DNAJB6: variants seen among roughly 807,000 people sequenced by gnomAD.
DNAJB6 encodes the protein dnaJ homolog subfamily B member 6.
DNAJB6 carries 16 observed loss-of-function variants against 42.7 expected under a neutral mutation model. The observed-to-expected ratio is 0.37, with a 90% CI of 0.25 to 0.57. The LOEUF is 0.57. DNAJB6 is among the 20% of genes least tolerant of loss of function. DNAJB6 has a pLI of 0.74. For synonymous variants in DNAJB6, 170 were observed against 163.5 expected (o/e 1.04, Z -0.30); for missense variants, 347 against 416.8 (o/e 0.83, Z 1.46).
intron 5 of DNAJB6, among the ~76,000 whole-genome samples, chr7:157,369,822 A>G (rs1236596842): frequency 6.6e-6 from 1 of 151,148 alleles, no homozygotes; most frequent in Non-Finnish European, 1.5e-5. Flanking sequence ...CATCATTATT[A>G]AACAGGCCTT....
intron 9 of DNAJB6, chr7:157,411,760 A>AG (rs397698203): frequency 1.1e-4 from 2 of 18,210 alleles, no homozygotes; most frequent in Admixed American, 1.8e-3. Flanking sequence ...CCGAGGCCAC[A>AG]CCTGTATGTC....
Position 157,369,689 on chromosome 7 carries a change from G to A in DNAJB6, c.346+2206G>A, listed in dbSNP as rs559364635. ...CCCTTCTTAACATTATTATTAAACA[G>A]GCCTTTCATAACGTTATTATTAAAC... On this transcript the variant is annotated intron_variant, in intron 5 of 9. Transcript: ENST00000262177. Among the ~76,000 whole-genome samples the A allele has an allele frequency of 2.0e-5, 3 of 150,840 alleles. No individual in the cohort carries two copies. In the South Asian group the frequency reaches 6.3e-4, roughly 31 times the overall value.
chr7:157,379,542 A>G (rs960562278), intron 5 of DNAJB6: 1 of 152,046 alleles, frequency 6.6e-6, no homozygotes, highest in Non-Finnish European at 1.5e-5. Context: ...GTGGCTGTCG[A>G]CAGGTGTGAT....
intron 2 of DNAJB6, among the ~76,000 whole-genome samples, chr7:157,359,347 T>G (rs1167309577): frequency 6.6e-6 from 1 of 152,210 alleles, no homozygotes; most frequent in Non-Finnish European, 1.5e-5. Context: ...AGAATTAACT[T>G]TTTTGGGGGC....
rs148670053 is a variant in DNAJB6, at chr7:157,391,668, G to A, written c.691+6057G>A. Among the ~76,000 whole-genome samples the A allele has an allele frequency of 6.6e-3, 1,006 of 152,340 alleles. 12 individuals are homozygous for A. The highest frequency in any genetic ancestry group is 0.022 in the African/African-American group (931 of 41,576). On this transcript the variant is annotated intron_variant, in intron 8 of 9. Transcript: ENST00000262177. ...CACTGGGTCTCAGCCCAAGTCTTCC[G>A]TGGATCCTGGCAAAATATTGATGTC...
chr7:157,366,496 T>A lies in DNAJB6; in HGVS notation c.176-6T>A. The stretch of plus-strand genomic sequence containing the variant: ...TGGCCTTACCGACTTTTCTTTCAAT[T>A]TTTAGCTAAGAAACGGGACATCTAT... On this transcript the variant is annotated splice_region_variant and splice_polypyrimidine_tract_variant and intron_variant, in intron 3 of 9. Coordinates refer to ENST00000262177, the MANE Select transcript of DNAJB6 (RefSeq NM_058246.4). The A allele has an allele frequency of 6.2e-7, 1 of 1,613,920 alleles. No homozygotes were observed. Among genetic ancestry groups the A allele is most frequent in the Non-Finnish European group, 8.5e-7 (1 of 1,179,926 alleles).
intron 8 of DNAJB6, among the ~76,000 whole-genome samples, chr7:157,394,292 T>G (rs1414144430): frequency 6.6e-6 from 1 of 152,244 alleles, no homozygotes; most frequent in African/African-American, 2.4e-5. Flanking sequence ...AGATGTTGCC[T>G]TGTCAATTCT....
At chr7:157,351,829 A>C (rs888167785) in intron 1 of DNAJB6, among the ~76,000 whole-genome samples, 2 of 151,096 alleles carry the variant, frequency 1.3e-5, no homozygotes, top group African/African-American at 2.4e-5. Context: ...AACAAAACAA[A>C]AAAAACCACA....
At chr7:157,341,114 C>T (rs774397908) in intron 1 of DNAJB6, among the ~76,000 whole-genome samples, 4 of 151,848 alleles carry the variant, frequency 2.6e-5, no homozygotes, top group Non-Finnish European at 4.4e-5. Flanking sequence ...GAGCCAGGTG[C>T]CTGGCCAGAT....
chr7:157,381,221 A>G (rs1800747749), intron 5 of DNAJB6: 1 of 152,018 alleles, frequency 6.6e-6, no homozygotes, highest in African/African-American at 2.4e-5. Flanking sequence ...TGTGACTCAA[A>G]TGTATCCACT....
intron 5 of DNAJB6, among the ~76,000 whole-genome samples, chr7:157,370,033 A>ATTATTATTAAACAGGTCTTTCATAACG (rs1340778601): frequency 2.0e-5 from 3 of 147,686 alleles, no homozygotes; most frequent in African/African-American, 7.6e-5. Flanking sequence ...CTTTCTTAAC[A>ATTATTATTAAACAGGTCTTTCATAACG]TTATTATTAA....
At chr7:157,368,874 A>T (rs1799971224) in intron 5 of DNAJB6, 1 of 187,244 alleles carries the variant, frequency 5.3e-6, no homozygotes, top group Non-Finnish European at 1.1e-5. Flanking sequence ...GTCTACAGAT[A>T]ATACAGGGGA....
chr7:157,394,492 G>A (rs1171936601), intron 8 of DNAJB6, among the ~76,000 whole-genome samples: 1 of 151,732 alleles, frequency 6.6e-6, no homozygotes. Flanking sequence ...TGACACCACT[G>A]CACTCCAGTC....
chr7:157,400,574 G>C (rs184085297), intron 8 of DNAJB6, among the ~76,000 whole-genome samples: 1 of 152,258 alleles, frequency 6.6e-6, no homozygotes, highest in Non-Finnish European at 1.5e-5. Flanking sequence ...CTGTGTTTAC[G>C]TTCTTGGCTC....
At position 157,395,107 on chromosome 7, in the gene DNAJB6, C is replaced by A. The variant is rs889917807; in HGVS notation, c.691+9496C>A. 8.3e-5 allele frequency among the ~76,000 whole-genome samples: 10 copies of A among 119,984 alleles called. No homozygotes were observed. The South Asian group carries it at 2.7e-3, about 32-fold the overall frequency. 78.7% of individuals were successfully genotyped at this position (119,984 alleles called of 152,430 possible). A position where few individuals can be genotyped will look rare whatever the true frequency, so the allele number is the denominator to read the frequency against. ...AGACCCTGTGCCCGCCGCGCCCCCCCACCTCCCAAAAAACCCCAGAAAGCA... is the reference window on the plus strand; with the variant it reads ...AGACCCTGTGCCCGCCGCGCCCCCCAACCTCCCAAAAAACCCCAGAAAGCA... On this transcript the variant is annotated intron_variant, in intron 8 of 9. Transcript: ENST00000262177.
intron 8 of DNAJB6, among the ~76,000 whole-genome samples, chr7:157,397,423 C>T (rs1056400703): frequency 6.6e-6 from 1 of 152,208 alleles, no homozygotes; most frequent in African/African-American, 2.4e-5. Context: ...GTGGTGTGTT[C>T]AGCTCTGACA....
rs374794481 is a variant in DNAJB6 at position 157,366,479 on chromosome 7, C to A, written c.176-23C>A. 61 of 1,612,580 alleles carry A rather than the reference C, an allele frequency of 3.8e-5. No individual in the cohort carries two copies. In the African/African-American group the frequency reaches 6.8e-4, roughly 18 times the overall value. Reference sequence around the variant, plus strand: ...AGGGTTTAAAAGGAACTTGGCCTTACCGACTTTTCTTTCAATTTTTAGCTA... The same window carrying A: ...AGGGTTTAAAAGGAACTTGGCCTTAACGACTTTTCTTTCAATTTTTAGCTA... On this transcript the variant is annotated intron_variant, in intron 3 of 9. Transcript: ENST00000262177.
At chr7:157,369,008 T>G (rs542458286) in intron 5 of DNAJB6, 64 of 350,368 alleles carry the variant, frequency 1.8e-4, no homozygotes, top group African/African-American at 1.2e-3. Flanking sequence ...TCAAAGAGGT[T>G]GTTCTTACAC....
At chr7:157,341,847 A>G (rs532279202) in intron 1 of DNAJB6, among the ~76,000 whole-genome samples, 3 of 152,288 alleles carry the variant, frequency 2.0e-5, no homozygotes, top group Non-Finnish European at 4.4e-5. Flanking sequence ...TTTCAGCAGC[A>G]CTGGAGACTG....
Sources: allele counts gnomAD v4.1 joint callset (sites outside exome capture counted in the v4.1 genomes callset), GRCh38; gene constraint gnomAD v4.1.1; transcripts MANE v1.5; gene names NCBI Gene and HGNC (gene_info 2026-07-23, HGNC 2026-07-21).